Variants in CREB1 observed in about 807,000 individuals in gnomAD.
CREB1 encodes cyclic AMP-responsive element-binding protein 1.
Under a neutral mutation model 42.0 loss-of-function variants are expected in CREB1, and 2 were observed. The observed-to-expected ratio is 0.05, with a 90% CI of 0.02 to 0.15. The LOEUF (loss-of-function observed/expected upper bound fraction) is 0.15, where lower values mean the gene tolerates loss of function less well. Ranked by LOEUF, CREB1 falls within the 10% of genes least tolerant of loss-of-function variation. CREB1 has a pLI of 1.00. For synonymous variants in CREB1, 123 were observed against 139.9 expected (o/e 0.88, Z 0.85); for missense variants, 199 against 388.9 (o/e 0.51, Z 4.11).
chr2:207,581,843 C>T lies in CREB1; in HGVS notation c.839+4188C>T, dbSNP rs750045576. 2.4e-5 allele frequency: 17 copies of T among 702,680 alleles called. No individual in the cohort carries two copies. In the African/African-American group the frequency reaches 3.0e-4, roughly 12 times the overall value. The allele number at this position is 702,680 out of a possible 1,614,324, so 43.5% of individuals were successfully genotyped here. ...GCATTTAATTATAGTCTCCTTCAGT[C>T]TGTGAAAGTTTGTTTCCTTGTCTTT... On this transcript the variant is annotated intron_variant, in intron 7 of 7. Coordinates refer to ENST00000353267, the MANE Select transcript of CREB1 (RefSeq NM_004379.5).
At position 207,603,932 on chromosome 2, in the gene CREB1, T is replaced by G. The variant is rs1481004215; in HGVS notation, c.*6874T>G. ...TCTGAAAATAAGCAGCTGCATTATT[T>G]GTATGTTTCTTCACTGCCAAGATGT... On this transcript the variant is annotated 3_prime_UTR_variant, in exon 8 of 8. Transcript: ENST00000353267. Among the ~76,000 whole-genome samples, 1 of 152,220 alleles carries G rather than the reference T, an allele frequency of 6.6e-6. No homozygotes were observed. The highest frequency in any genetic ancestry group is 1.5e-5 in the Non-Finnish European group (1 of 68,030).
At position 207,601,010 on chromosome 2, in the gene CREB1, C is replaced by T. The variant is rs547497711; in HGVS notation, c.*3952C>T. The T allele has an allele frequency of 3.1e-5, 6 of 190,928 alleles. No individual in the cohort carries two copies. Among genetic ancestry groups the T allele is most frequent in the East Asian group, 8.4e-5 (1 of 11,912 alleles). The allele number at this position is 190,928 out of a possible 1,614,324, so 11.8% of individuals were successfully genotyped here. On this transcript the variant is annotated 3_prime_UTR_variant, in exon 8 of 8. Coordinates refer to ENST00000353267, the MANE Select transcript of CREB1 (RefSeq NM_004379.5). ...TGGTCTCTGTTTATTTTGAAGATCA[C>T]GGCTGCTTCATTTTGCAGGATTAAG...
intron 5 of CREB1, 108 bp downstream of exon 5, chr2:207,570,429 C>T: frequency 6.7e-6 from 7 of 1,050,610 alleles, no homozygotes; most frequent in Non-Finnish European, 9.5e-6. Flanking sequence ...CAAGTCTTCT[C>T]AGTTTTGCTG....
chr2:207,583,748 T>C (rs2083341317), intron 7 of CREB1, among the ~76,000 whole-genome samples: 1 of 152,234 alleles, frequency 6.6e-6, no homozygotes, highest in African/African-American at 2.4e-5. Flanking sequence ...CAGTGTCATG[T>C]ATCTGTCACC....
At chr2:207,588,727 GGT>G (rs1491177718) in intron 7 of CREB1, among the ~76,000 whole-genome samples, 10 of 27,112 alleles carry the variant, frequency 3.7e-4, no homozygotes, top group East Asian at 3.3e-3. Context: ...ACTGTTTTCT[GGT>G]TTTTTTTTTT....
chr2:207,585,113 A>G lies in CREB1; in HGVS notation c.839+7458A>G, dbSNP rs190475636. Among the ~76,000 whole-genome samples the G allele has an allele frequency of 1.3e-3, 192 of 152,282 alleles. 1 individual carries two copies. Among genetic ancestry groups the G allele is most frequent in the Non-Finnish European group, 2.4e-3 (165 of 68,024 alleles). ...CCACCAGCACCCACTGTCTGGAATCATGAAGGCCAGCTCGCTCTCACTATC... is the reference window on the plus strand; with the variant it reads ...CCACCAGCACCCACTGTCTGGAATCGTGAAGGCCAGCTCGCTCTCACTATC... On this transcript the variant is annotated intron_variant, in intron 7 of 7. Transcript: ENST00000353267.
At chr2:207,586,259 T>G (rs1190244221) in intron 7 of CREB1, among the ~76,000 whole-genome samples, 1 of 151,994 alleles carries the variant, frequency 6.6e-6, no homozygotes, top group African/African-American at 2.4e-5. Context: ...TGGAACAGAA[T>G]AAAGAACACA....
At chr2:207,542,790 A>T (rs1368590839) in intron 1 of CREB1, among the ~76,000 whole-genome samples, 1 of 152,238 alleles carries the variant, frequency 6.6e-6, no homozygotes, top group Non-Finnish European at 1.5e-5. Context: ...GGCAAACAAG[A>T]TACCATTATT....
intron 7 of CREB1, 64 bp from the exon 8 acceptor site, chr2:207,596,846 AAAAG>A (rs1559083951): frequency 1.3e-6 from 2 of 1,561,068 alleles, no homozygotes; most frequent in African/African-American, 2.8e-5. Context: ...AAAGAAAAAA[AAAAG>A]GTAATCCAAA....
chr2:207,541,532 C>T (rs1419305666), intron 1 of CREB1, among the ~76,000 whole-genome samples: 2 of 152,144 alleles, frequency 1.3e-5, no homozygotes, highest in Admixed American at 6.5e-5. Flanking sequence ...ACTATGTAGC[C>T]TTGGTACATA....
intron 1 of CREB1, among the ~76,000 whole-genome samples, chr2:207,531,015 G>A (rs999319465): frequency 6.6e-6 from 1 of 150,598 alleles, no homozygotes; most frequent in African/African-American, 2.4e-5. Flanking sequence ...CATGCTTTTT[G>A]GGAGAAAGGG....
chr2:207,537,160 T>C (rs180674404), intron 1 of CREB1, among the ~76,000 whole-genome samples: 1 of 152,096 alleles, frequency 6.6e-6, no homozygotes, highest in East Asian at 2.0e-4. Context: ...GTTAAAGCGA[T>C]TCCCCTGCCT....
chr2:207,545,950 G>T (rs1357080051), intron 1 of CREB1, among the ~76,000 whole-genome samples: 3 of 152,112 alleles, frequency 2.0e-5, no homozygotes, highest in African/African-American at 7.2e-5. Context: ...GGCCAGGCTG[G>T]TCTTGAACTC....
chr2:207,547,507 T>A (rs1389364297), intron 1 of CREB1, among the ~76,000 whole-genome samples: 2 of 152,184 alleles, frequency 1.3e-5, no homozygotes, highest in African/African-American at 2.4e-5. Flanking sequence ...CTTAAAAAAA[T>A]GAGCTCCAAA....
chr2:207,536,545 A>T (rs1031305905), intron 1 of CREB1, among the ~76,000 whole-genome samples: 2 of 152,104 alleles, frequency 1.3e-5, no homozygotes, highest in African/African-American at 4.8e-5. Context: ...ACAAGAGCGA[A>T]ACTCTGTCTT....
chr2:207,552,373 A>G (rs1295316468), intron 1 of CREB1, among the ~76,000 whole-genome samples: 6 of 152,154 alleles, frequency 3.9e-5, no homozygotes, highest in Non-Finnish European at 1.5e-5. Flanking sequence ...TTGTAAATAA[A>G]AATGAAAGAA....
At chr2:207,593,718 AC>A (rs1386828542) in intron 7 of CREB1, among the ~76,000 whole-genome samples, 1 of 126,528 alleles carries the variant, frequency 7.9e-6, no homozygotes, top group Non-Finnish European at 1.6e-5. Flanking sequence ...ATCCTCACAA[AC>A]TTTTTTTTTT....
chr2:207,548,065 T>C (rs771545279), intron 1 of CREB1, among the ~76,000 whole-genome samples: 3 of 152,060 alleles, frequency 2.0e-5, no homozygotes, highest in Non-Finnish European at 2.9e-5. Flanking sequence ...CCTGAGTAGC[T>C]GGGATTACAG....
intron 7 of CREB1, among the ~76,000 whole-genome samples, chr2:207,584,603 T>C (rs1032280546): frequency 6.6e-6 from 1 of 152,170 alleles, no homozygotes; most frequent in African/African-American, 2.4e-5. Context: ...GGTTTCGCCA[T>C]GTTGGCCAGG....
Sources: allele counts gnomAD v4.1 joint callset (sites outside exome capture counted in the v4.1 genomes callset), GRCh38; gene constraint gnomAD v4.1.1; transcripts MANE v1.5; gene names NCBI Gene and HGNC (gene_info 2026-07-23, HGNC 2026-07-21).